ITGA2: variants seen among roughly 807,000 people sequenced by gnomAD.
The protein encoded by ITGA2 is integrin alpha-2.
In ITGA2, 101 loss-of-function variants were observed where a neutral mutation model predicts 146.3. That is an observed-to-expected ratio of 0.69 (90% CI 0.59 to 0.81). ITGA2 has a LOEUF of 0.81. Among genes scored for constraint, ITGA2 ranks in the 40% least tolerant of loss-of-function variants. The pLI, the probability that ITGA2 is intolerant of heterozygous loss-of-function variation, is 0.00. For synonymous variants in ITGA2, 477 were observed against 487.1 expected (o/e 0.98, Z 0.27); for missense variants, 1,281 against 1,402.7 (o/e 0.91, Z 1.39).
chr5:53,042,262 G>T, intron 3 of ITGA2, 41 bp downstream of exon 3: 1 of 1,165,716 alleles, frequency 8.6e-7, no homozygotes, highest in South Asian at 1.2e-5. Flanking sequence ...ATTTGTCTTA[G>T]ACTCAACTGA....
intron 19 of ITGA2, among the ~76,000 whole-genome samples, 198 bp from the exon 20 acceptor site, chr5:53,072,920 C>A (rs1197965928): frequency 1.3e-5 from 2 of 151,652 alleles, no homozygotes; most frequent in Non-Finnish European, 2.9e-5. Context: ...AATACAATAG[C>A]AACAAAGAAC....
At chr5:53,041,031 G>A (rs1440008112) in intron 2 of ITGA2, among the ~76,000 whole-genome samples, 1 of 151,990 alleles carries the variant, frequency 6.6e-6, no homozygotes, top group Non-Finnish European at 1.5e-5. Context: ...TGGGGCATAT[G>A]TTGTTTAAAT....
chr5:53,073,138 G>A lies in ITGA2; in HGVS notation c.2450G>A (p.Ser817Asn), dbSNP rs1219450224. Reference protein sequence around the residue: ...PAAQEQPFIVSNQNKRLTFSV... With the variant: ...PAAQEQPFIVNNQNKRLTFSV... ...AACAGAGAACAACCCTTTATTGTCAGCAACCAAAACAAAAGGTTAACATTT... is the reference window on the plus strand; with the variant it reads ...AACAGAGAACAACCCTTTATTGTCAACAACCAAAACAAAAGGTTAACATTT... The change falls in exon 20 of 30, where the codon AGC becomes AAC. Residue 817 changes from serine (S) to asparagine (N), a missense_variant. By Grantham distance (46) the Ser-to-Asn change is conservative. This residue lies in a region of ITGA2 where 475 missense variants were observed against 530.5 expected (regional missense o/e 0.90). Transcript: ENST00000296585. 6.2e-7 allele frequency: 1 copy of A among 1,611,836 alleles called. No individual in the cohort carries two copies. The highest frequency in any genetic ancestry group is 1.3e-5 in the African/African-American group (1 of 74,678).
chr5:53,066,122 T>TA (rs1745139525), intron 15 of ITGA2, 145 bp downstream of exon 15: 1 of 822,972 alleles, frequency 1.2e-6, no homozygotes, highest in South Asian at 1.5e-5. Flanking sequence ...CACAAAGGAA[T>TA]AAATGTGTTT....
At chr5:53,034,276 A>G (rs1260734136) in intron 2 of ITGA2, among the ~76,000 whole-genome samples, 1 of 152,082 alleles carries the variant, frequency 6.6e-6, no homozygotes, top group Non-Finnish European at 1.5e-5. Context: ...AGCCATCCTC[A>G]GCACTATTAA....
chr5:53,056,738 C>A (rs1170293847), intron 9 of ITGA2, among the ~76,000 whole-genome samples: 1 of 151,496 alleles, frequency 6.6e-6, no homozygotes, highest in East Asian at 1.9e-4. Flanking sequence ...ACTTAGGTGG[C>A]CTTGGAAAAT....
intron 1 of ITGA2, among the ~76,000 whole-genome samples, chr5:53,015,567 A>G (rs1002363319): frequency 1.3e-5 from 2 of 151,892 alleles, no homozygotes; most frequent in Non-Finnish European, 2.9e-5. Context: ...TGTGTATTCT[A>G]TTGTTTTGGT....
At chr5:53,031,269 G>A (rs1194822923) in intron 2 of ITGA2, among the ~76,000 whole-genome samples, 1 of 152,198 alleles carries the variant, frequency 6.6e-6, no homozygotes, top group Non-Finnish European at 1.5e-5. Flanking sequence ...AGCAAATTGC[G>A]AGTTCTTTTT....
At chr5:53,068,788 C>T (rs1252991622) in intron 16 of ITGA2, among the ~76,000 whole-genome samples, 1 of 150,876 alleles carries the variant, frequency 6.6e-6, no homozygotes, top group African/African-American at 2.4e-5. Flanking sequence ...TGGTTTCTAT[C>T]ATTTATTGCA....
intron 23 of ITGA2, 54 bp downstream of exon 23, chr5:53,075,358 G>T (rs1429214097): frequency 6.9e-7 from 1 of 1,442,034 alleles, no homozygotes; most frequent in South Asian, 1.1e-5. Flanking sequence ...TAGATCAGAA[G>T]ATTTTTGGCT....
chr5:53,056,548 A>T (rs2897458), intron 9 of ITGA2, among the ~76,000 whole-genome samples: 56,152 of 151,478 alleles, frequency 0.37, 10,443 homozygotes, highest in Admixed American at 0.43. Context: ...CAATGTATGA[A>T]TATCTATCTA....
intron 20 of ITGA2, among the ~76,000 whole-genome samples, chr5:53,073,673 T>C (rs2112002920): frequency 6.6e-6 from 1 of 151,990 alleles, no homozygotes; most frequent in East Asian, 1.9e-4. Context: ...CACATTGACT[T>C]GATCATTATA....
rs906367628 is a variant in ITGA2, at chr5:53,014,110, G to T, written c.65-12638G>T. On this transcript the variant is annotated intron_variant, in intron 1 of 29. Coordinates refer to ENST00000296585, the MANE Select transcript of ITGA2 (RefSeq NM_002203.4). Reference sequence around the variant, plus strand: ...CTTTATTTCTTTCTCTTGTTTGATTGCTTTGGCTGTGACTACCAGTAATAT... The same window carrying T: ...CTTTATTTCTTTCTCTTGTTTGATTTCTTTGGCTGTGACTACCAGTAATAT... Among the ~76,000 whole-genome samples, 2 of 151,926 alleles carry T rather than the reference G, an allele frequency of 1.3e-5. 1 individual carries two copies. The highest frequency in any genetic ancestry group is 4.2e-4 in the South Asian group (2 of 4,810).
chr5:53,086,035 G>A (rs959087035), intron 27 of ITGA2, among the ~76,000 whole-genome samples: 8 of 151,930 alleles, frequency 5.3e-5, no homozygotes, highest in East Asian at 1.9e-4. Context: ...CAGCCGAGTC[G>A]CTGGGATTAC....
At chr5:53,016,283 G>A (rs1049372843) in intron 1 of ITGA2, among the ~76,000 whole-genome samples, 1 of 152,146 alleles carries the variant, frequency 6.6e-6, no homozygotes, top group Admixed American at 6.5e-5. Flanking sequence ...AGGTCTGGTG[G>A]TAACTAATTC....
intron 1 of ITGA2, among the ~76,000 whole-genome samples, chr5:53,015,493 G>A (rs3212412): frequency 0.1 from 15,859 of 151,748 alleles, 885 homozygotes; most frequent in Non-Finnish European, 0.12. Context: ...AATTTGCTGA[G>A]AATTGTTTTA....
rs752099823 is a variant in ITGA2, at chr5:53,070,170, G to A, written c.2145G>A (p.Gly715=). 3.1e-6 allele frequency: 5 copies of A among 1,611,712 alleles called. No homozygotes were observed. The highest frequency in any genetic ancestry group is 4.5e-5 in the East Asian group (2 of 44,744). Residue 715 remains glycine (G), a synonymous_variant, in exon 17 of 30, where the codon GGG becomes GGA. Transcript: ENST00000296585. ...DGFSSRVTSR[G]LFKENNERCL... ...TTTCATCCAGAGTAACCTCCAGGGG[G>A]TTATTTAAAGAAAACAATGAAAGGT...
At chr5:52,991,395 A>G (rs1227553027) in intron 1 of ITGA2, among the ~76,000 whole-genome samples, 1 of 152,152 alleles carries the variant, frequency 6.6e-6, no homozygotes, top group Non-Finnish European at 1.5e-5. Flanking sequence ...CTATCTGTAT[A>G]AAATTTCTCA....
Position 53,030,485 on chromosome 5 carries a change from A to G in ITGA2, c.185+3617A>G, listed in dbSNP as rs193063815. The stretch of plus-strand genomic sequence containing the variant: ...CCACCAGATGATACAAGCATACCCC[A>G]CCATGCAAGAGGAAGAGACAGCACC... On this transcript the variant is annotated intron_variant, in intron 2 of 29. Coordinates refer to ENST00000296585, the MANE Select transcript of ITGA2 (RefSeq NM_002203.4). Among the ~76,000 whole-genome samples the G allele has an allele frequency of 1.1e-4, 16 of 152,316 alleles. No homozygotes were observed. In the East Asian group the frequency reaches 2.9e-3, roughly 28 times the overall value.
Sources: gnomAD v4.1 joint callset for allele counts (sites outside exome capture counted in the v4.1 genomes callset) on GRCh38, gnomAD v4.1.1 for gene constraint, gnomAD v4.1.1 regional missense constraint, MANE v1.5 for transcripts, NCBI Gene and HGNC (gene_info 2026-07-23, HGNC 2026-07-21) for gene names.